Variants in SV2C observed in about 807,000 individuals in gnomAD.
SV2C encodes solute carrier family 22 member B3.
Under a neutral mutation model 79.7 loss-of-function variants are expected in SV2C, and 49 were observed. The ratio of observed to expected loss-of-function variants is 0.61; its 90% CI spans 0.49 to 0.78. The LOEUF (loss-of-function observed/expected upper bound fraction) is 0.78. Ranked by LOEUF, SV2C falls within the 30% of genes least tolerant of loss-of-function variation. The probability of loss-of-function intolerance (pLI) is 0.00; values close to 1 mark genes in which losing one functional copy is unlikely to be tolerated. For missense variants in SV2C, 833 were observed against 912.9 expected (o/e 0.91, Z 1.13); for synonymous variants, 334 against 333.2 (o/e 1.00, Z -0.03).
chr5:76,285,830 C>G lies in SV2C; in HGVS notation c.1097C>G (p.Thr366Ser). Residue 366 changes from threonine to serine, a missense_variant, in exon 6 of 13, where the codon ACC (threonine) becomes AGC (serine). Transcript: ENST00000502798. ...AWMILKLIHD[T>S]NMRARGQPEK... Reference sequence around the variant, plus strand: ...ATGATTCTGAAGTTAATTCATGACACCAACATGAGAGCCCGGGGTCAGCCT... The same window carrying G: ...ATGATTCTGAAGTTAATTCATGACAGCAACATGAGAGCCCGGGGTCAGCCT... The G allele has an allele frequency of 6.2e-7, 1 of 1,614,130 alleles. No homozygotes were observed. The highest frequency in any genetic ancestry group is 2.2e-5 in the East Asian group (1 of 44,860).
At chr5:76,005,275 A>G in the SV2C span, among the ~76,000 whole-genome samples, 20 of 152,146 alleles carry the variant, frequency 1.3e-4, no homozygotes, top group Non-Finnish European at 2.8e-4. Flanking sequence ...ACTAGGAGGG[A>G]AAAAAAGTTT....
chr5:76,159,715 C>G (rs1330154818), intron 2 of SV2C, among the ~76,000 whole-genome samples: 2 of 152,004 alleles, frequency 1.3e-5, no homozygotes, highest in African/African-American at 2.4e-5. Context: ...TGTAATTGCA[C>G]CAATCATATT....
At chr5:76,240,029 T>C (rs1745733756) in intron 4 of SV2C, among the ~76,000 whole-genome samples, 1 of 152,236 alleles carries the variant, frequency 6.6e-6, no homozygotes, top group South Asian at 2.1e-4. Context: ...CCTTTTCCTT[T>C]CTTATGCTTT....
At chr5:75,910,031 A>G in the SV2C span, among the ~76,000 whole-genome samples, 2 of 152,200 alleles carry the variant, frequency 1.3e-5, no homozygotes, top group African/African-American at 4.8e-5. Context: ...CCCACCCAGC[A>G]TGGGGACTTC....
At chr5:75,918,277 G>T in the SV2C span, among the ~76,000 whole-genome samples, 1 of 152,148 alleles carries the variant, frequency 6.6e-6, no homozygotes, top group Non-Finnish European at 1.5e-5. Flanking sequence ...CAACACTTTG[G>T]TAAATACAAC....
chr5:76,008,270 T>A, the SV2C span, among the ~76,000 whole-genome samples: 1 of 152,146 alleles, frequency 6.6e-6, no homozygotes, highest in Non-Finnish European at 1.5e-5. Context: ...CTTGTCTGTC[T>A]CAGCAGGGGA....
At chr5:76,123,009 T>A (rs1001173940) in intron 1 of SV2C, among the ~76,000 whole-genome samples, 1 of 151,704 alleles carries the variant, frequency 6.6e-6, no homozygotes, top group African/African-American at 2.4e-5. Flanking sequence ...AAGAATCAAA[T>A]AGATGCAATA....
chr5:75,924,047 T>C, the SV2C span, among the ~76,000 whole-genome samples: 1 of 152,190 alleles, frequency 6.6e-6, no homozygotes, highest in Non-Finnish European at 1.5e-5. Flanking sequence ...GAAAATGTGG[T>C]ATATATACAC....
intron 2 of SV2C, among the ~76,000 whole-genome samples, chr5:76,191,096 G>T (rs1744086662): frequency 6.6e-6 from 1 of 152,146 alleles, no homozygotes; most frequent in South Asian, 2.1e-4. Flanking sequence ...GGCTGGGGAG[G>T]CCTCAGGAAA....
the SV2C span, among the ~76,000 whole-genome samples, chr5:75,988,024 A>C: frequency 6.6e-6 from 1 of 152,058 alleles, no homozygotes; most frequent in Non-Finnish European, 1.5e-5. Flanking sequence ...ACATACATAA[A>C]ACATTCAGAA....
chr5:75,997,095 C>A, the SV2C span, among the ~76,000 whole-genome samples: 11 of 150,882 alleles, frequency 7.3e-5, no homozygotes, highest in African/African-American at 2.7e-4. Context: ...AGTTTTTGCC[C>A]ATGCAGTATG....
chr5:76,027,682 G>A, the SV2C span, among the ~76,000 whole-genome samples: 76 of 152,234 alleles, frequency 5.0e-4, no homozygotes, highest in African/African-American at 1.7e-3. Context: ...ATATTCTTGA[G>A]TTTTGTCCTG....
the SV2C span, among the ~76,000 whole-genome samples, chr5:75,961,548 T>C: frequency 1.3e-5 from 2 of 151,946 alleles, no homozygotes; most frequent in African/African-American, 2.4e-5. Flanking sequence ...TATTACATTA[T>C]TCAAAATTAT....
At chr5:76,154,945 G>T (rs964524522) in intron 2 of SV2C, among the ~76,000 whole-genome samples, 1 of 152,284 alleles carries the variant, frequency 6.6e-6, no homozygotes, top group African/African-American at 2.4e-5. Context: ...AATAAAAGAG[G>T]AGGGTAGATA....
intron 12 of SV2C, among the ~76,000 whole-genome samples, chr5:76,316,627 G>T (rs746416754): frequency 1.5e-4 from 23 of 152,110 alleles, no homozygotes; most frequent in Non-Finnish European, 2.1e-4. Context: ...AAGCCGTTTA[G>T]CCCTCAAGAA....
Position 76,196,847 on chromosome 5 carries a change from G to A in SV2C, c.761+1748G>A, listed in dbSNP as rs1056886837. ...TGCCAATCTGGATTGAGACATGGTC[G>A]TCCCAACAGACTGTAGAGAAAAAGG... On this transcript the variant is annotated intron_variant, in intron 3 of 12. Coordinates refer to ENST00000502798, the MANE Select transcript of SV2C (RefSeq NM_014979.4). Among the ~76,000 whole-genome samples the A allele has an allele frequency of 3.9e-5, 6 of 152,202 alleles. No individual in the cohort carries two copies. The East Asian group carries it at 5.8e-4, about 15-fold the overall frequency.
rs1394968757 is a variant in SV2C at position 76,330,037 on chromosome 5, A to C, written c.*4490A>C. The C allele has an allele frequency of 1.3e-5, 2 of 150,706 alleles. No individual in the cohort carries two copies. The highest frequency in any genetic ancestry group is 4.9e-5 in the African/African-American group (2 of 40,872). The allele number at this position is 150,706 out of a possible 1,614,324, so 9.3% of individuals were successfully genotyped here. On this transcript the variant is annotated 3_prime_UTR_variant, in exon 13 of 13. Transcript: ENST00000502798. ...TCAGCAAAGTATGTATTTTAAGTAA[A>C]GCTTCTCTTGTTATCTGTAATGTAG...
At chr5:76,253,701 C>T (rs1746180389) in intron 4 of SV2C, among the ~76,000 whole-genome samples, 1 of 117,118 alleles carries the variant, frequency 8.5e-6, no homozygotes, top group South Asian at 3.3e-4. Context: ...CACCTCTCCT[C>T]CCTAAGGAAA....
chr5:75,955,394 T>A, the SV2C span, among the ~76,000 whole-genome samples: 1 of 151,424 alleles, frequency 6.6e-6, no homozygotes. Context: ...AAAAATCAAT[T>A]CAAGATGGAT....
Sources: gnomAD v4.1 joint callset for allele counts (sites outside exome capture counted in the v4.1 genomes callset) on GRCh38, gnomAD v4.1.1 for gene constraint, MANE v1.5 for transcripts, NCBI Gene and HGNC (gene_info 2026-07-23, HGNC 2026-07-21) for gene names.